NUFIP2: variants seen among roughly 807,000 people sequenced by gnomAD.
The protein encoded by NUFIP2 is FMR1-interacting protein NUFIP2.
In NUFIP2, 6 loss-of-function variants were observed where a neutral mutation model predicts 56.9. The observed-to-expected ratio is 0.11, with a 90% CI of 0.06 to 0.21. The LOEUF (loss-of-function observed/expected upper bound fraction) is 0.21. NUFIP2 is among the 10% of genes least tolerant of loss of function. NUFIP2 has a pLI of 1.00. For missense variants in NUFIP2, 828 were observed against 826.8 expected (o/e 1.00, Z -0.02); for synonymous variants, 321 against 298.2 (o/e 1.08, Z -0.79).
intron 2 of NUFIP2, among the ~76,000 whole-genome samples, chr17:29,274,402 A>C (rs1261515482): frequency 6.6e-6 from 1 of 152,204 alleles, no homozygotes; most frequent in Non-Finnish European, 1.5e-5. Flanking sequence ...GAGTCCAAGA[A>C]TTCAAGGAGG....
intron 1 of NUFIP2, among the ~76,000 whole-genome samples, chr17:29,293,234 G>GC (rs774062341): frequency 2.6e-3 from 383 of 150,144 alleles, no homozygotes; most frequent in South Asian, 3.9e-3. Context: ...GGTCCCAACA[G>GC]CCCCCCCCAC....
At chr17:29,283,453 C>T (rs2069152430) in intron 2 of NUFIP2, among the ~76,000 whole-genome samples, 1 of 152,114 alleles carries the variant, frequency 6.6e-6, no homozygotes, top group African/African-American at 2.4e-5. Context: ...ATCCTCCCTC[C>T]TAAGCCTCCC....
In NUFIP2 at chr17:29,257,503, A is replaced by C. The variant is rs529450899; in HGVS notation, c.*7036T>G. 1 of 152,260 alleles carries C rather than the reference A, an allele frequency of 6.6e-6. No homozygotes were observed. Among genetic ancestry groups the C allele is most frequent in the African/African-American group, 2.4e-5 (1 of 41,562 alleles). The allele number at this position is 152,260 out of a possible 1,614,324, so 9.4% of individuals were successfully genotyped here. ...CAGAGAGAAACTAACAAGTCACATT[A>C]GGGAAAATTCAGATCTTTTTTTTTT... On this transcript the variant is annotated 3_prime_UTR_variant, in exon 4 of 4. Coordinates refer to ENST00000225388, the MANE Select transcript of NUFIP2 (RefSeq NM_020772.3).
rs1284488855 is a variant in NUFIP2 at position 29,287,268 on chromosome 17, G to C, written c.726C>G (p.Asp242Glu). 2.8e-5 allele frequency: 45 copies of C among 1,613,962 alleles called. No individual in the cohort carries two copies. Among genetic ancestry groups the C allele is most frequent in the Non-Finnish European group, 3.6e-5 (43 of 1,180,032 alleles). ...CACTGGTCTCTTGTTGCATTATTTT[G>C]TCCTGCACTATATTAAGGTTTTCAC... is the stretch of plus-strand genomic sequence containing the variant. ...KGCENLNIVQ[D>E]KIMQQETSVP... is the part of the protein sequence containing the mutation. The change falls in exon 2 of 4, where the codon GAC (aspartate) becomes GAG (glutamate). Residue 242 changes from aspartate (D) to glutamate (E), a missense_variant. Coordinates refer to ENST00000225388, the MANE Select transcript of NUFIP2 (RefSeq NM_020772.3).
intron 1 of NUFIP2, among the ~76,000 whole-genome samples, chr17:29,292,885 G>A (rs960885755): frequency 2.7e-5 from 4 of 146,224 alleles, no homozygotes; most frequent in East Asian, 2.0e-4. Flanking sequence ...CGGCGACGGG[G>A]GGGGGGGCGG....
Position 29,286,530 on chromosome 17 carries a change from C to G in NUFIP2, c.1464G>C (p.Val488=), listed in dbSNP as rs918757750. 1.9e-6 allele frequency: 3 copies of G among 1,614,130 alleles called. No individual in the cohort carries two copies. Among genetic ancestry groups the G allele is most frequent in the Non-Finnish European group, 1.7e-6 (2 of 1,180,020 alleles). ...MQTMLLSTAQ[V]DLPSQTDQQN... is the part of the protein sequence containing the mutation. ...GCTGATCTGTCTGAGAGGGCAGATC[C>G]ACTTGTGCTGTGCTCAACAGCATAG... is the stretch of plus-strand genomic sequence containing the variant. Residue 488 remains valine, a synonymous_variant, in exon 2 of 4, where the codon GTG becomes GTC. Coordinates refer to ENST00000225388, the MANE Select transcript of NUFIP2 (RefSeq NM_020772.3).
chr17:29,287,489 C>T lies in NUFIP2; in HGVS notation c.505G>A (p.Glu169Lys). ...GACTGATTCTCTCCAGATTTATTTTCATAAGACTTCCCATTCTTTTTGTCC... is the reference window on the plus strand; with the variant it reads ...GACTGATTCTCTCCAGATTTATTTTTATAAGACTTCCCATTCTTTTTGTCC... ...SMDKKNGKSY[E>K]NKSGENQSVD... Residue 169 changes from glutamate to lysine, a missense_variant, in exon 2 of 4, where the codon GAA becomes AAA. Transcript: ENST00000225388. 2.5e-6 allele frequency: 4 copies of T among 1,614,028 alleles called. No individual in the cohort carries two copies. Among genetic ancestry groups the T allele is most frequent in the Non-Finnish European group, 3.4e-6 (4 of 1,179,976 alleles).
chr17:29,287,112 A>T lies in NUFIP2; in HGVS notation c.882T>A (p.Pro294=), dbSNP rs1245153750. Residue 294 remains proline (P), a synonymous_variant, in exon 2 of 4, where the codon CCT becomes CCA. Transcript: ENST00000225388. ...TTTTCCGAAGCATATCACCCACAGC[A>T]GGTTTTCCTCGACTTGTTCCTCCAG... ...TGPGGTSRGK[P]AVGDMLRKSS... 5.0e-6 allele frequency: 8 copies of T among 1,614,058 alleles called. No individual in the cohort carries two copies. The highest frequency in any genetic ancestry group is 6.8e-6 in the Non-Finnish European group (8 of 1,180,032).
chr17:29,268,590 T>C (rs35341661), intron 2 of NUFIP2, among the ~76,000 whole-genome samples: 14,995 of 152,228 alleles, frequency 0.099, 947 homozygotes, highest in South Asian at 0.18. Context: ...CGATCTCGGC[T>C]CACCGCAACA....
intron 2 of NUFIP2, among the ~76,000 whole-genome samples, chr17:29,274,729 G>C (rs1417166320): frequency 1.3e-5 from 2 of 152,168 alleles, no homozygotes; most frequent in South Asian, 4.2e-4. Flanking sequence ...AGAAATCTAA[G>C]GTTATTGTAC....
chr17:29,258,235 T>C lies in NUFIP2; in HGVS notation c.*6304A>G, dbSNP rs543834604. 9.2e-5 allele frequency: 14 copies of C among 152,354 alleles called. No homozygotes were observed. Among genetic ancestry groups the C allele is most frequent in the African/African-American group, 3.4e-4 (14 of 41,596 alleles). 9.4% of individuals were successfully genotyped at this position (152,354 alleles called of 1,614,324 possible). A position where few individuals can be genotyped will look rare whatever the true frequency, so the allele number is the denominator to read the frequency against. On this transcript the variant is annotated 3_prime_UTR_variant, in exon 4 of 4. Transcript: ENST00000225388. ...ATCTTTCTCATTCCTCCACCTCATT[T>C]GGTGTTTCCCACCCATTATTTTGGG...
chr17:29,269,449 A>T (rs986641805), intron 2 of NUFIP2, among the ~76,000 whole-genome samples: 1 of 152,162 alleles, frequency 6.6e-6, no homozygotes, highest in Non-Finnish European at 1.5e-5. Flanking sequence ...TGGTAGAATC[A>T]CATTCCTATC....
At chr17:29,287,752 T>C in intron 1 of NUFIP2, 36 bp from the exon 2 acceptor site, 1 of 1,455,700 alleles carries the variant, frequency 6.9e-7, no homozygotes, top group Non-Finnish European at 9.3e-7. Flanking sequence ...AAAAAAAAAA[T>C]CACAACATGT....
intron 3 of NUFIP2, among the ~76,000 whole-genome samples, chr17:29,265,453 C>T (rs1168614054): frequency 6.8e-6 from 1 of 146,886 alleles, no homozygotes; most frequent in Non-Finnish European, 1.5e-5. Flanking sequence ...CAGGCGCCCG[C>T]TACCACGCCC....
Position 29,258,900 on chromosome 17 carries a change from A to T in NUFIP2, c.*5639T>A, listed in dbSNP as rs1376106641. ...GAAAACAGTTGTATTTTCATTCTTA[A>T]AATGCAACAATATCTAATGAAATGT... On this transcript the variant is annotated 3_prime_UTR_variant, in exon 4 of 4. Coordinates refer to ENST00000225388, the MANE Select transcript of NUFIP2 (RefSeq NM_020772.3). The T allele has an allele frequency of 6.6e-6, 1 of 152,224 alleles. No individual in the cohort carries two copies. Among genetic ancestry groups the T allele is most frequent in the Non-Finnish European group, 1.5e-5 (1 of 68,044 alleles). The allele number at this position is 152,224 out of a possible 1,614,324, so 9.4% of individuals were successfully genotyped here.
intron 2 of NUFIP2, among the ~76,000 whole-genome samples, chr17:29,277,723 T>G (rs896336082): frequency 2.0e-5 from 3 of 152,126 alleles, no homozygotes; most frequent in Admixed American, 2.0e-4. Context: ...AAATATAGCA[T>G]GTTTTCCGGC....
At chr17:29,289,005 G>C (rs1395726557) in intron 1 of NUFIP2, among the ~76,000 whole-genome samples, 1 of 152,034 alleles carries the variant, frequency 6.6e-6, no homozygotes, top group Admixed American at 6.5e-5. Context: ...TTAGCTGGGC[G>C]TGGGGCATGT....
In NUFIP2 at chr17:29,293,871, C is replaced by A. The variant is rs1172897014; in HGVS notation, c.189G>T (p.Glu63Asp). ...GCTTTGGCTGGGCCTTGGGGCTGCC[C>A]TCGGCTCCATGCTGCAGGTATTGGT... Reference protein sequence around the residue: ...QPHQYLQHGAEGSPKAQPKPL... With the variant: ...QPHQYLQHGADGSPKAQPKPL... The change falls in exon 1 of 4, where the codon GAG becomes GAT. Residue 63 changes from glutamate to aspartate, a missense_variant. Physicochemically the swap from Glu to Asp is conservative, Grantham distance 45 (BLOSUM62 2). Coordinates refer to ENST00000225388, the MANE Select transcript of NUFIP2 (RefSeq NM_020772.3). 2.5e-6 allele frequency: 4 copies of A among 1,613,626 alleles called. No individual in the cohort carries two copies. In the Admixed American group the frequency reaches 5.0e-5, roughly 20 times the overall value.
intron 2 of NUFIP2, among the ~76,000 whole-genome samples, chr17:29,268,048 G>A (rs1004386517): frequency 3.3e-5 from 5 of 151,974 alleles, no homozygotes; most frequent in African/African-American, 7.3e-5. Flanking sequence ...ACAGGTGCCC[G>A]CCACCACGCC....
Sources: allele counts gnomAD v4.1 joint callset (sites outside exome capture counted in the v4.1 genomes callset), GRCh38; gene constraint gnomAD v4.1.1; transcripts MANE v1.5; gene names NCBI Gene and HGNC (gene_info 2026-07-23, HGNC 2026-07-21).